PCDHGA8: variants seen among roughly 807,000 people sequenced by gnomAD.
PCDHGA8 encodes protocadherin gamma subfamily A, 8.
PCDHGA8 carries 45 observed loss-of-function variants against 59.2 expected under a neutral mutation model. That is an observed-to-expected ratio of 0.76 (90% CI 0.60 to 0.98). The LOEUF (loss-of-function observed/expected upper bound fraction) is 0.98. Among genes scored for constraint, PCDHGA8 ranks in the 50% least tolerant of loss-of-function variants. The probability of loss-of-function intolerance (pLI) is 0.00; values close to 1 mark genes in which losing one functional copy is unlikely to be tolerated. For synonymous variants in PCDHGA8, 531 were observed against 519.0 expected (o/e 1.02, Z -0.32); for missense variants, 1,257 against 1,196.2 (o/e 1.05, Z -0.75).
chr5:141,404,250 C>A lies in PCDHGA8; in HGVS notation c.2424+9013C>A, dbSNP rs1282621596. 2.5e-6 allele frequency: 4 copies of A among 1,613,886 alleles called. No homozygotes were observed. In the Admixed American group the frequency reaches 5.0e-5, roughly 20 times the overall value. On this transcript the variant is annotated intron_variant, in intron 1 of 3. Coordinates refer to ENST00000398604, the MANE Select transcript of PCDHGA8 (RefSeq NM_032088.2). Reference sequence around the variant, plus strand: ...ACAGACAGAGGAACTCCGCCCCTGTCCACAGAAATTCACATCACCCTGCAA... The same window carrying A: ...ACAGACAGAGGAACTCCGCCCCTGTACACAGAAATTCACATCACCCTGCAA...
Position 141,477,029 on chromosome 5 carries a change from A to G in PCDHGA8, c.2425-17778A>G. 6.2e-7 allele frequency: 1 copy of G among 1,614,238 alleles called. No homozygotes were observed. The highest frequency in any genetic ancestry group is 8.5e-7 in the Non-Finnish European group (1 of 1,180,040). ...CTTAGACCTTGTAACCGGGATGCTG[A>G]CAATCAAGGGTCGGCTGGACTTCGA... On this transcript the variant is annotated intron_variant, in intron 1 of 3. Coordinates refer to ENST00000398604, the MANE Select transcript of PCDHGA8 (RefSeq NM_032088.2). The surrounding 1 kb of genome is among the most constrained non-coding windows in gnomAD (Gnocchi z 4.9).
At chr5:141,400,608 A>G in intron 1 of PCDHGA8, 1 of 1,580,872 alleles carries the variant, frequency 6.3e-7, no homozygotes, top group Admixed American at 1.7e-5. Flanking sequence ...TTTCAAGTCC[A>G]ATGAGTTGTC....
Position 141,486,616 on chromosome 5 carries a change from C to A in PCDHGA8, c.2425-8191C>A. On this transcript the variant is annotated intron_variant, in intron 1 of 3. Transcript: ENST00000398604. The surrounding 1 kb of genome is among the most constrained non-coding windows in gnomAD (Gnocchi z 5.0). ...TGCTTTGCTCCCTTGCAGCCTCTGACCCAGACTCTGGCTTGAATGCGCTTA... is the reference window on the plus strand; with the variant it reads ...TGCTTTGCTCCCTTGCAGCCTCTGAACCAGACTCTGGCTTGAATGCGCTTA... The A allele has an allele frequency of 6.2e-7, 1 of 1,613,618 alleles. No individual in the cohort carries two copies. Among genetic ancestry groups the A allele is most frequent in the Non-Finnish European group, 8.5e-7 (1 of 1,180,022 alleles).
rs553673516 is a variant in PCDHGA8, at chr5:141,476,211, T to C, written c.2425-18596T>C. The C allele has an allele frequency of 5.4e-5, 87 of 1,613,942 alleles. No individual in the cohort carries two copies. The highest frequency in any genetic ancestry group is 7.0e-5 in the Non-Finnish European group (83 of 1,180,000). ...GGTGCCTTGAACAAGGCTTCCACGG[T>C]CATTCACTATGAGATCCCGGAGGAA... On this transcript the variant is annotated intron_variant, in intron 1 of 3. Coordinates refer to ENST00000398604, the MANE Select transcript of PCDHGA8 (RefSeq NM_032088.2). The surrounding 1 kb of genome is among the most constrained non-coding windows in gnomAD (Gnocchi z 7.6).
At position 141,432,716 on chromosome 5, in the gene PCDHGA8, C is replaced by A; in HGVS notation, c.2424+37479C>A. 6.2e-7 allele frequency: 1 copy of A among 1,614,030 alleles called. No individual in the cohort carries two copies. The highest frequency in any genetic ancestry group is 1.1e-5 in the South Asian group (1 of 91,084). ...GGCCGTCCAGGACCACGGCCAGCCC[C>A]CTCTCTCCGCCACTGTCACGCTCAC... On this transcript the variant is annotated intron_variant, in intron 1 of 3. Transcript: ENST00000398604. This position sits in a 1 kb window ranked among gnomAD's most constrained non-coding sequence, Gnocchi z 6.0.
chr5:141,408,105 G>A (rs566753835), intron 1 of PCDHGA8: 22 of 1,439,788 alleles, frequency 1.5e-5, no homozygotes, highest in Admixed American at 8.2e-5. Context: ...TCCGAGACCC[G>A]GGACTCCTCC....
At chr5:141,398,014 C>G in intron 1 of PCDHGA8, 1 of 1,420,276 alleles carries the variant, frequency 7.0e-7, no homozygotes, top group Non-Finnish European at 9.4e-7. Flanking sequence ...AGAATCGTTT[C>G]CTAAACTGGA....
intron 1 of PCDHGA8, chr5:141,423,134 G>A: frequency 6.2e-7 from 1 of 1,613,680 alleles, no homozygotes; most frequent in South Asian, 1.1e-5. Flanking sequence ...CTGCTGGACA[G>A]AGACGCGCTC....
At chr5:141,454,993 T>C (rs2098809479) in intron 1 of PCDHGA8, among the ~76,000 whole-genome samples, 1 of 151,290 alleles carries the variant, frequency 6.6e-6, no homozygotes, top group Non-Finnish European at 1.5e-5. Context: ...AAAATATTTT[T>C]AGTAGAGACG....
chr5:141,505,704 G>A (rs770933428), intron 3 of PCDHGA8, among the ~76,000 whole-genome samples: 1 of 152,184 alleles, frequency 6.6e-6, no homozygotes, highest in Non-Finnish European at 1.5e-5. Context: ...GAGCGAACAA[G>A]GAAAAGACTC....
intron 1 of PCDHGA8, among the ~76,000 whole-genome samples, chr5:141,438,636 ACACACAC>A: frequency 3.9e-5 from 1 of 25,700 alleles, no homozygotes; most frequent in African/African-American, 1.5e-4. Flanking sequence ...ATATATATAT[ACACACAC>A]ACACACACAT....
chr5:141,399,853 C>G, intron 1 of PCDHGA8: 1 of 1,612,978 alleles, frequency 6.2e-7, no homozygotes, highest in Non-Finnish European at 8.5e-7. Flanking sequence ...TATGGTGCCG[C>G]GCGCTGCAGA....
Position 141,512,040 on chromosome 5 carries a change from A to G in PCDHGA8, c.*867A>G, listed in dbSNP as rs775766584. 1.3e-5 allele frequency: 2 copies of G among 152,838 alleles called. No homozygotes were observed. The highest frequency in any genetic ancestry group is 2.9e-5 in the Non-Finnish European group (2 of 68,198). 9.5% of individuals were successfully genotyped at this position (152,838 alleles called of 1,614,324 possible). A position where few individuals can be genotyped will look rare whatever the true frequency, so the allele number is the denominator to read the frequency against. ...ATCAAGGCCTTGGAGGAGGCTCTGT[A>G]TGTCCTCAGGGGACTGACAACATCC... On this transcript the variant is annotated 3_prime_UTR_variant, in exon 4 of 4. Coordinates refer to ENST00000398604, the MANE Select transcript of PCDHGA8 (RefSeq NM_032088.2).
At chr5:141,429,388 A>T (rs6890453) in intron 1 of PCDHGA8, among the ~76,000 whole-genome samples, 24,714 of 140,916 alleles carry the variant, frequency 0.18, 2,276 homozygotes, top group African/African-American at 0.28. Flanking sequence ...TTTTTTTTTT[A>T]AAAAAAATTG....
intron 1 of PCDHGA8, chr5:141,427,942 T>C (rs1561832592): frequency 6.3e-7 from 1 of 1,586,106 alleles, no homozygotes; most frequent in Non-Finnish European, 8.6e-7. Context: ...GTGGGCGACC[T>C]CAATGACAAT....
At chr5:141,434,070 T>C (rs1004240895) in intron 1 of PCDHGA8, among the ~76,000 whole-genome samples, 3 of 152,226 alleles carry the variant, frequency 2.0e-5, no homozygotes, top group Non-Finnish European at 2.9e-5. Context: ...TCTGTTAATA[T>C]CAATTATTTA....
At chr5:141,428,223 A>G in intron 1 of PCDHGA8, 1 of 1,169,680 alleles carries the variant, frequency 8.5e-7, no homozygotes. Context: ...TAGTCTTCGC[A>G]GACAGCCTGC....
intron 1 of PCDHGA8, among the ~76,000 whole-genome samples, chr5:141,471,076 T>C (rs1463083616): frequency 1.5e-5 from 2 of 136,094 alleles, no homozygotes; most frequent in Non-Finnish European, 3.1e-5. Context: ...TGAGACAGGG[T>C]CTCCCTCTGT....
At position 141,477,130 on chromosome 5, in the gene PCDHGA8, G is replaced by C; in HGVS notation, c.2425-17677G>C. On this transcript the variant is annotated intron_variant, in intron 1 of 3. Coordinates refer to ENST00000398604, the MANE Select transcript of PCDHGA8 (RefSeq NM_032088.2). The surrounding 1 kb of genome is among the most constrained non-coding windows in gnomAD (Gnocchi z 4.9). ...ATCCCGAAGGAGCACATTGCAAAGT[G>C]TTGGTGGAGGTTGTGGATGTGAATG... 6.2e-7 allele frequency: 1 copy of C among 1,614,252 alleles called. No individual in the cohort carries two copies. The highest frequency in any genetic ancestry group is 2.2e-5 in the East Asian group (1 of 44,888).
Sources: gnomAD v4.1 joint callset for allele counts (sites outside exome capture counted in the v4.1 genomes callset) on GRCh38, gnomAD v4.1.1 for gene constraint, Gnocchi (gnomAD v3.1) non-coding constraint, MANE v1.5 for transcripts, NCBI Gene and HGNC (gene_info 2026-07-23, HGNC 2026-07-21) for gene names.